CALCOCO1: variants seen among roughly 807,000 people sequenced by gnomAD.
The protein encoded by CALCOCO1 is calcium binding and coiled-coil domain 1, also known as calcium-binding and coiled-coil domain-containing protein 1.
Under a neutral mutation model 86.3 loss-of-function variants are expected in CALCOCO1, and 44 were observed. The ratio of observed to expected loss-of-function variants is 0.51; its 90% CI spans 0.40 to 0.66. The LOEUF is 0.66. Ranked by LOEUF, CALCOCO1 falls within the 30% of genes least tolerant of loss-of-function variation. The pLI, the probability that CALCOCO1 is intolerant of heterozygous loss-of-function variation, is 0.00. For synonymous variants in CALCOCO1, 297 were observed against 327.6 expected (o/e 0.91, Z 1.01); for missense variants, 708 against 851.1 (o/e 0.83, Z 2.09).
rs564510445 is a variant in CALCOCO1 at position 53,716,044 on chromosome 12, C to T, written c.1009G>A (p.Glu337Lys). Residue 337 changes from glutamate to lysine, a missense_variant, in exon 9 of 15, where the codon GAG (glutamate) becomes AAG (lysine). By Grantham distance (56) the Glu-to-Lys change is moderately conservative. Transcript: ENST00000550804. ...AGCTGCTCCTTCAAGGGCTCCAGCT[C>T]GGCCTCAGGAGAAAGGAGGAGATGG... is the stretch of plus-strand genomic sequence containing the variant. ...TLGQAQQRVA[E>K]LEPLKEQLRG... 12 of 1,611,874 alleles carry T rather than the reference C, an allele frequency of 7.4e-6. 1 individual carries two copies. The South Asian group carries it at 9.9e-5, about 13-fold the overall frequency.
rs1194093521 is a variant in CALCOCO1, at chr12:53,710,428, G to C, written c.*1516C>G. 4 of 152,772 alleles carry C rather than the reference G, an allele frequency of 2.6e-5. No individual in the cohort carries two copies. Among genetic ancestry groups the C allele is most frequent in the African/African-American group, 9.6e-5 (4 of 41,462 alleles). The allele number at this position is 152,772 out of a possible 1,614,324, so 9.5% of individuals were successfully genotyped here. On this transcript the variant is annotated 3_prime_UTR_variant, in exon 15 of 15. Coordinates refer to ENST00000550804, the MANE Select transcript of CALCOCO1 (RefSeq NM_020898.3). Reference sequence around the variant, plus strand: ...AGGGCAGCTGAGAAGGGAGCTATTGGGTTGGAGGACGAGGGGGTTGTAGGC... The same window carrying C: ...AGGGCAGCTGAGAAGGGAGCTATTGCGTTGGAGGACGAGGGGGTTGTAGGC...
rs1335906763 is a variant in CALCOCO1 at position 53,709,489 on chromosome 12, G to A, written c.*2455C>T. 6.6e-6 allele frequency: 1 copy of A among 152,252 alleles called. No homozygotes were observed. The highest frequency in any genetic ancestry group is 1.5e-5 in the Non-Finnish European group (1 of 68,102). The allele number at this position is 152,252 out of a possible 1,614,324, so 9.4% of individuals were successfully genotyped here. A position where few individuals can be genotyped will look rare whatever the true frequency, so the allele number is the denominator to read the frequency against. On this transcript the variant is annotated 3_prime_UTR_variant, in exon 15 of 15. Transcript: ENST00000550804. Reference sequence around the variant, plus strand: ...CAAAGGGCAGAGAAAGGAGCAGCTAGAAACTCTAGATATCCATGTTGAGGA... The same window carrying A: ...CAAAGGGCAGAGAAAGGAGCAGCTAAAAACTCTAGATATCCATGTTGAGGA...
At chr12:53,712,941 AGT>A in intron 14 of CALCOCO1, 157 bp downstream of exon 14, 6 of 1,289,980 alleles carry the variant, frequency 4.7e-6, no homozygotes, top group Non-Finnish European at 6.5e-6. Context: ...GATTTGGAGC[AGT>A]GAGTCATTTT....
At chr12:53,721,667 AGTG>A (rs1945871216) in intron 5 of CALCOCO1, 52 bp from the exon 6 acceptor site, 2 of 1,609,018 alleles carry the variant, frequency 1.2e-6, no homozygotes, top group Non-Finnish European at 1.7e-6. Flanking sequence ...TCATCTCTCA[AGTG>A]GTGGAACAAA....
chr12:53,722,508 C>T (rs1344477823), intron 4 of CALCOCO1, among the ~76,000 whole-genome samples: 2 of 152,174 alleles, frequency 1.3e-5, no homozygotes, highest in Non-Finnish European at 2.9e-5. Flanking sequence ...CCTAATTTTA[C>T]CCTATCTGCT....
At position 53,723,790 on chromosome 12, in the gene CALCOCO1, G is replaced by C. The variant is rs1170833898; in HGVS notation, c.260-7C>G. The C allele has an allele frequency of 5.0e-6, 8 of 1,610,822 alleles. No homozygotes were observed. The highest frequency in any genetic ancestry group is 6.8e-6 in the Non-Finnish European group (8 of 1,177,638). On this transcript the variant is annotated splice_region_variant and splice_polypyrimidine_tract_variant and intron_variant, in intron 3 of 14. Coordinates refer to ENST00000550804, the MANE Select transcript of CALCOCO1 (RefSeq NM_020898.3). ...GGTTTGGGCAGGTAGCTGGCTGTGG[G>C]AAGAAGAATGGACCCAGGACCCCAA...
chr12:53,712,780 G>A, intron 14 of CALCOCO1: 4 of 1,348,508 alleles, frequency 3.0e-6, no homozygotes, highest in Non-Finnish European at 3.9e-6. Context: ...CCTACCTGGT[G>A]GTTGGGGAAG....
intron 4 of CALCOCO1, among the ~76,000 whole-genome samples, chr12:53,722,496 C>A (rs904785330): frequency 6.6e-6 from 1 of 152,138 alleles, no homozygotes; most frequent in Non-Finnish European, 1.5e-5. Context: ...AGGGATGGGT[C>A]CCCTAATTTT....
At chr12:53,712,274 C>T in intron 14 of CALCOCO1, 153 bp from the exon 15 acceptor site, 1 of 638,074 alleles carries the variant, frequency 1.6e-6, no homozygotes. Flanking sequence ...TCTTTCTCCC[C>T]ACAATCCTGG....
Position 53,715,039 on chromosome 12 carries a change from T to A in CALCOCO1, c.1386+161A>T, listed in dbSNP as rs530813829. Among the ~76,000 whole-genome samples the A allele has an allele frequency of 8.9e-4, 136 of 152,146 alleles. 1 individual carries two copies. The South Asian group carries it at 0.027, about 31-fold the overall frequency. Reference sequence around the variant, plus strand: ...TGTGTGCCCTGAGAGCAGAAAAAAATGCACATTTCAAACCAATGAGGGCTT... The same window carrying A: ...TGTGTGCCCTGAGAGCAGAAAAAAAAGCACATTTCAAACCAATGAGGGCTT... On this transcript the variant is annotated intron_variant, in intron 10 of 14. Coordinates refer to ENST00000550804, the MANE Select transcript of CALCOCO1 (RefSeq NM_020898.3).
rs1232538906 is a variant in CALCOCO1, at chr12:53,715,215, C to T, written c.1371G>A (p.Glu457=). ...GATGCCTCACCAGGCTAGAATCCTT[C>T]TCCCGGGCCAGCTCAGTCTTGAACA... ...NQVFKTELAR[E]KDSSLVQLSE... The change falls in exon 10 of 15, where the codon GAG becomes GAA. Residue 457 remains glutamate, a synonymous_variant. Transcript: ENST00000550804. 1.2e-6 allele frequency: 2 copies of T among 1,614,162 alleles called. No homozygotes were observed. The highest frequency in any genetic ancestry group is 1.1e-5 in the South Asian group (1 of 91,088).
chr12:53,714,038 G>A (rs948938734), intron 12 of CALCOCO1, 95 bp downstream of exon 12: 3 of 1,317,638 alleles, frequency 2.3e-6, no homozygotes, highest in African/African-American at 1.4e-5. Flanking sequence ...ACACATAGAA[G>A]GCAAAGGCAG....
rs2120509538 is a variant in CALCOCO1 at position 53,709,865 on chromosome 12, C to T, written c.*2079G>A. 6.6e-6 allele frequency: 1 copy of T among 152,314 alleles called. No individual in the cohort carries two copies. The highest frequency in any genetic ancestry group is 2.1e-4 in the South Asian group (1 of 4,830). The allele number at this position is 152,314 out of a possible 1,614,324, so 9.4% of individuals were successfully genotyped here. ...AGCCAGGAGGTGTGGGTCCCAGATT[C>T]TTCTCGCCCCAACCTCCCCCAGAAA... On this transcript the variant is annotated 3_prime_UTR_variant, in exon 15 of 15. Coordinates refer to ENST00000550804, the MANE Select transcript of CALCOCO1 (RefSeq NM_020898.3).
At chr12:53,718,008 A>G (rs1200311597) in intron 7 of CALCOCO1, among the ~76,000 whole-genome samples, 1 of 152,192 alleles carries the variant, frequency 6.6e-6, no homozygotes, top group Non-Finnish European at 1.5e-5. Flanking sequence ...CTGGGCAACA[A>G]GATGAAACTC....
chr12:53,722,943 C>CA (rs58897806), intron 4 of CALCOCO1: 52,246 of 192,582 alleles, frequency 0.27, 4,765 homozygotes, highest in Admixed American at 0.37. Context: ...AAGGCTGTCT[C>CA]AAAAAAAAAA....
chr12:53,716,181 C>A (rs1565644389), intron 8 of CALCOCO1, 79 bp downstream of exon 8: 1 of 1,591,292 alleles, frequency 6.3e-7, no homozygotes, highest in South Asian at 1.1e-5. Flanking sequence ...TGTCTCTCCC[C>A]TTCTCTTTAG....
chr12:53,715,728 G>A, intron 9 of CALCOCO1, 65 bp downstream of exon 9: 1 of 1,583,848 alleles, frequency 6.3e-7, no homozygotes, highest in Admixed American at 1.7e-5. Context: ...CTGACCACAT[G>A]TAGGAGTCCC....
chr12:53,723,879 C>G, intron 3 of CALCOCO1, 96 bp from the exon 4 acceptor site: 1 of 1,034,496 alleles, frequency 9.7e-7, no homozygotes, highest in Non-Finnish European at 1.4e-6. Context: ...TTCTCTTCTC[C>G]ACCTCCCACA....
chr12:53,716,222 GA>G, intron 8 of CALCOCO1, 37 bp downstream of exon 8: 1 of 1,610,370 alleles, frequency 6.2e-7, no homozygotes, highest in Non-Finnish European at 8.5e-7. Context: ...CTTGCCCTTG[GA>G]ATTTCCCGTT....
Sources: allele counts gnomAD v4.1 joint callset (sites outside exome capture counted in the v4.1 genomes callset), GRCh38; gene constraint gnomAD v4.1.1; transcripts MANE v1.5; gene names NCBI Gene and HGNC (gene_info 2026-07-23, HGNC 2026-07-21).